SSBP2: variants seen among roughly 807,000 people sequenced by gnomAD.
The protein encoded by SSBP2 is single-stranded DNA-binding protein 2.
SSBP2 carries 17 observed loss-of-function variants against 61.8 expected under a neutral mutation model. That is an observed-to-expected ratio of 0.28 (90% CI 0.19 to 0.41). The LOEUF (loss-of-function observed/expected upper bound fraction) is 0.41. SSBP2 is among the 10% of genes least tolerant of loss of function. The probability of loss-of-function intolerance (pLI) is 1.00; values close to 1 mark genes in which losing one functional copy is unlikely to be tolerated. For missense variants in SSBP2, 310 were observed against 458.7 expected (o/e 0.68, Z 2.96); for synonymous variants, 139 against 141.3 (o/e 0.98, Z 0.12).
intron 1 of SSBP2, among the ~76,000 whole-genome samples, chr5:81,715,233 T>C (rs545454686): frequency 2.0e-4 from 31 of 152,260 alleles, no homozygotes; most frequent in Non-Finnish European, 2.9e-4. Context: ...TAGGATTTTC[T>C]AGGTCAAAAG....
chr5:81,456,193 T>C (rs1764133159), intron 10 of SSBP2, among the ~76,000 whole-genome samples: 1 of 152,206 alleles, frequency 6.6e-6, no homozygotes, highest in African/African-American at 2.4e-5. Context: ...TTAATCACTA[T>C]TAATAGATGC....
At chr5:81,468,486 G>A (rs933141219) in intron 8 of SSBP2, among the ~76,000 whole-genome samples, 2 of 151,902 alleles carry the variant, frequency 1.3e-5, no homozygotes, top group Non-Finnish European at 1.5e-5. Context: ...ACTTCTCAGC[G>A]TGGCTCTATG....
chr5:81,718,344 A>C (rs1033023837), intron 1 of SSBP2, among the ~76,000 whole-genome samples: 16 of 152,176 alleles, frequency 1.1e-4, no homozygotes, highest in Non-Finnish European at 1.6e-4. Context: ...CTAGCAAAGA[A>C]AAACCCATTC....
chr5:81,500,399 A>T (rs896789116), intron 5 of SSBP2, among the ~76,000 whole-genome samples: 1 of 152,030 alleles, frequency 6.6e-6, no homozygotes, highest in African/African-American at 2.4e-5. Context: ...TTTTTAGTAG[A>T]GACGGAGTTT....
chr5:81,729,879 T>C lies in SSBP2; in HGVS notation c.62+21102A>G, dbSNP rs141824336. On this transcript the variant is annotated intron_variant, in intron 1 of 16. Coordinates refer to ENST00000320672, the MANE Select transcript of SSBP2 (RefSeq NM_012446.5). The stretch of plus-strand genomic sequence containing the variant: ...GGGTTGACTGAGAAATAAGTGGTTA[T>C]ATAGATAGGTCAAAATAAATAGTTA... Among the ~76,000 whole-genome samples, 752 of 152,240 alleles carry C rather than the reference T, an allele frequency of 4.9e-3. 1 individual carries two copies. The highest frequency in any genetic ancestry group is 0.014 in the Middle Eastern group (4 of 290).
intron 4 of SSBP2, among the ~76,000 whole-genome samples, chr5:81,519,770 C>G (rs773450018): frequency 6.6e-5 from 10 of 152,118 alleles, no homozygotes; most frequent in Admixed American, 1.3e-4. Context: ...GACTGTCTTT[C>G]TGAATTGTAG....
chr5:81,576,400 A>AT (rs1287648337), intron 4 of SSBP2, among the ~76,000 whole-genome samples: 1 of 152,144 alleles, frequency 6.6e-6, no homozygotes, highest in Admixed American at 6.5e-5. Flanking sequence ...AGTGTCTTAT[A>AT]TAAACTCATT....
chr5:81,421,457 T>G (rs1761605999), intron 16 of SSBP2, among the ~76,000 whole-genome samples: 2 of 152,208 alleles, frequency 1.3e-5, no homozygotes, highest in Non-Finnish European at 2.9e-5. Context: ...CCTCCCGAAG[T>G]GCTGAGATTA....
At chr5:81,599,885 T>C (rs1744167104) in intron 4 of SSBP2, among the ~76,000 whole-genome samples, 1 of 152,230 alleles carries the variant, frequency 6.6e-6, no homozygotes, top group South Asian at 2.1e-4. Context: ...AGGCTAAATT[T>C]AATATTCACC....
At chr5:81,744,510 T>C (rs984704397) in intron 1 of SSBP2, among the ~76,000 whole-genome samples, 1 of 152,196 alleles carries the variant, frequency 6.6e-6, no homozygotes, top group Admixed American at 6.5e-5. Context: ...TCATCAGTAT[T>C]TTAATATGCT....
At chr5:81,692,990 G>C (rs1753321149) in intron 1 of SSBP2, among the ~76,000 whole-genome samples, 1 of 151,972 alleles carries the variant, frequency 6.6e-6, no homozygotes, top group African/African-American at 2.4e-5. Context: ...TGGATCACGA[G>C]GTCAGGAGAT....
At chr5:81,544,271 A>T (rs1303238947) in intron 4 of SSBP2, among the ~76,000 whole-genome samples, 1 of 151,722 alleles carries the variant, frequency 6.6e-6, no homozygotes, top group Non-Finnish European at 1.5e-5. Flanking sequence ...CTGGTCTTCA[A>T]CTCCTGACCT....
intron 4 of SSBP2, among the ~76,000 whole-genome samples, chr5:81,553,307 A>G (rs1772349480): frequency 6.6e-6 from 1 of 152,204 alleles, no homozygotes; most frequent in Non-Finnish European, 1.5e-5. Flanking sequence ...TAAAAATTAC[A>G]AAGGCTGAGA....
At chr5:81,543,093 A>T (rs545701874) in intron 4 of SSBP2, among the ~76,000 whole-genome samples, 1 of 152,040 alleles carries the variant, frequency 6.6e-6, no homozygotes, top group African/African-American at 2.4e-5. Flanking sequence ...GACCTCAGGT[A>T]ATCCGCCTGC....
chr5:81,444,270 T>C (rs1050200528), intron 12 of SSBP2, among the ~76,000 whole-genome samples: 3 of 152,232 alleles, frequency 2.0e-5, no homozygotes, highest in African/African-American at 2.4e-5. Context: ...CCCAGGCTAC[T>C]TGTTTTTTCC....
intron 6 of SSBP2, among the ~76,000 whole-genome samples, chr5:81,484,168 G>C (rs2154039533): frequency 6.6e-6 from 1 of 152,224 alleles, no homozygotes; most frequent in South Asian, 2.1e-4. Context: ...ATAGCCCTGT[G>C]AAGTTTCTAT....
chr5:81,455,613 G>A lies in SSBP2; in HGVS notation c.687+5442C>T, dbSNP rs1177208191. ...CGCAGTCCGGCCTGGGCGACAGAGC[G>A]AGACTCCGTCTCAAAAAAAAAAAAA... On this transcript the variant is annotated intron_variant, in intron 10 of 16. Coordinates refer to ENST00000320672, the MANE Select transcript of SSBP2 (RefSeq NM_012446.5). Among the ~76,000 whole-genome samples the A allele has an allele frequency of 8.6e-4, 31 of 35,930 alleles. 5 individuals carry two copies. Among genetic ancestry groups the A allele is most frequent in the East Asian group, 4.3e-4 (1 of 2,312 alleles). The allele number at this position is 35,930 out of a possible 152,430, so 23.6% of individuals were successfully genotyped here.
chr5:81,705,153 C>G (rs1366512347), intron 1 of SSBP2, among the ~76,000 whole-genome samples: 1 of 152,088 alleles, frequency 6.6e-6, no homozygotes, highest in Admixed American at 6.5e-5. Context: ...ATTCCAACAG[C>G]CATCCAACAA....
At chr5:81,692,490 C>A (rs183831094) in intron 1 of SSBP2, among the ~76,000 whole-genome samples, 16 of 152,178 alleles carry the variant, frequency 1.1e-4, no homozygotes, top group African/African-American at 3.6e-4. Flanking sequence ...CATTTTTTCA[C>A]AGAAATAGAG....
Sources: gnomAD v4.1 joint callset for allele counts (sites outside exome capture counted in the v4.1 genomes callset) on GRCh38, gnomAD v4.1.1 for gene constraint, MANE v1.5 for transcripts, NCBI Gene and HGNC (gene_info 2026-07-23, HGNC 2026-07-21) for gene names.